MUSK: variants seen among roughly 807,000 people sequenced by gnomAD.
MUSK encodes the protein muscle associated receptor tyrosine kinase.
MUSK carries 55 observed loss-of-function variants against 88.7 expected under a neutral mutation model. The observed-to-expected ratio is 0.62, with a 90% confidence interval of 0.50 to 0.78. The LOEUF (loss-of-function observed/expected upper bound fraction) is 0.78, where lower values mean the gene tolerates loss of function less well. Ranked by LOEUF, MUSK falls within the 30% of genes least tolerant of loss-of-function variation. MUSK has a pLI of 0.00. For missense variants in MUSK, 1,015 were observed against 1,074.3 expected (o/e 0.94, Z 0.77); for synonymous variants, 387 against 391.9 (o/e 0.99, Z 0.15).
intron 7 of MUSK, among the ~76,000 whole-genome samples, chr9:110,752,463 T>C (rs142917218): frequency 5.3e-5 from 8 of 152,258 alleles, no homozygotes; most frequent in East Asian, 1.9e-4. Context: ...CGGCATCCGA[T>C]GAGGCTGGCC....
At chr9:110,690,313 T>C (rs1177458966) in intron 3 of MUSK, among the ~76,000 whole-genome samples, 5 of 101,256 alleles carry the variant, frequency 4.9e-5, no homozygotes, top group Admixed American at 3.0e-4. Context: ...TAAGTATAAA[T>C]ATAGAAATAT....
In MUSK at chr9:110,805,584, C is replaced by G. The variant is rs988076118; in HGVS notation, c.*4596C>G. Among the ~76,000 whole-genome samples the G allele has an allele frequency of 4.0e-5, 6 of 151,878 alleles. No individual in the cohort carries two copies. Among genetic ancestry groups the G allele is most frequent in the African/African-American group, 1.4e-4 (6 of 41,428 alleles). On this transcript the variant is annotated 3_prime_UTR_variant, in exon 15 of 15. Transcript: ENST00000374448. ...AATTTTGTGATATATGTTTCAACTA[C>G]TTTTATCATGTTAAAAATATAGACT... is the stretch of plus-strand genomic sequence containing the variant.
At chr9:110,761,016 C>G (rs1005893868) in intron 7 of MUSK, among the ~76,000 whole-genome samples, 1 of 152,122 alleles carries the variant, frequency 6.6e-6, no homozygotes. Context: ...TGGTTTTAGA[C>G]AAAGCATATG....
At chr9:110,783,438 T>A (rs1483955592) in intron 11 of MUSK, among the ~76,000 whole-genome samples, 1 of 152,114 alleles carries the variant, frequency 6.6e-6, no homozygotes, top group African/African-American at 2.4e-5. Flanking sequence ...TATTTTCTAA[T>A]GCTTCAAATT....
At chr9:110,798,010 A>T (rs879538512) in intron 14 of MUSK, among the ~76,000 whole-genome samples, 1 of 152,192 alleles carries the variant, frequency 6.6e-6, no homozygotes, top group African/African-American at 2.4e-5. Context: ...TTATTGTCCA[A>T]CAAGAACTGA....
chr9:110,710,473 A>G (rs985941417), intron 5 of MUSK, among the ~76,000 whole-genome samples: 3 of 152,238 alleles, frequency 2.0e-5, no homozygotes, highest in African/African-American at 4.8e-5. Flanking sequence ...ACATCTATCC[A>G]GAGAATACCA....
intron 11 of MUSK, among the ~76,000 whole-genome samples, chr9:110,781,256 T>TTTTGTTTTG (rs2077750240): frequency 2.7e-5 from 4 of 146,182 alleles, no homozygotes; most frequent in African/African-American, 1.0e-4. Context: ...TGTGTGTGTT[T>TTTTGTTTTG]TTTTGTTTTG....
At chr9:110,699,978 A>T (rs998153393) in intron 5 of MUSK, among the ~76,000 whole-genome samples, 2 of 152,224 alleles carry the variant, frequency 1.3e-5, no homozygotes, top group Non-Finnish European at 2.9e-5. Flanking sequence ...CTGTGAAAGA[A>T]ACACCCTACC....
intron 5 of MUSK, among the ~76,000 whole-genome samples, chr9:110,719,413 A>G (rs755466468): frequency 2.0e-5 from 3 of 152,130 alleles, no homozygotes; most frequent in Non-Finnish European, 4.4e-5. Flanking sequence ...ATACAAACAG[A>G]CACCAAAAGC....
chr9:110,671,375 T>A, intron 1 of MUSK, among the ~76,000 whole-genome samples: 1 of 152,152 alleles, frequency 6.6e-6, no homozygotes, highest in Non-Finnish European at 1.5e-5. Context: ...CAAAAAGAGT[T>A]TTTTAGATAA....
At chr9:110,692,948 T>A (rs1025345390) in intron 3 of MUSK, among the ~76,000 whole-genome samples, 2 of 152,138 alleles carry the variant, frequency 1.3e-5, no homozygotes, top group Non-Finnish European at 2.9e-5. Flanking sequence ...TAAATATACA[T>A]GGAGTGTTCA....
chr9:110,750,726 T>C (rs1327176272), intron 7 of MUSK, among the ~76,000 whole-genome samples: 1 of 152,178 alleles, frequency 6.6e-6, no homozygotes, highest in Non-Finnish European at 1.5e-5. Flanking sequence ...CCCAACCTTG[T>C]CATGCTACCA....
chr9:110,734,654 T>C (rs1469529677), intron 6 of MUSK, among the ~76,000 whole-genome samples: 1 of 152,136 alleles, frequency 6.6e-6, no homozygotes, highest in Non-Finnish European at 1.5e-5. Flanking sequence ...CCCATATAAG[T>C]AAAATAATTT....
chr9:110,671,815 C>T (rs1224694033), intron 1 of MUSK, among the ~76,000 whole-genome samples: 2 of 152,188 alleles, frequency 1.3e-5, no homozygotes, highest in African/African-American at 4.8e-5. Context: ...ATGTTAGATT[C>T]TGCAGGAGCA....
At chr9:110,748,893 C>T (rs2077212217) in intron 7 of MUSK, among the ~76,000 whole-genome samples, 1 of 152,184 alleles carries the variant, frequency 6.6e-6, no homozygotes, top group Admixed American at 6.5e-5. Flanking sequence ...CCTCTCCTTT[C>T]TCCCCCCAGT....
At chr9:110,670,149 T>G (rs571473027) in intron 1 of MUSK, among the ~76,000 whole-genome samples, 1 of 152,304 alleles carries the variant, frequency 6.6e-6, no homozygotes, top group Admixed American at 6.5e-5. Flanking sequence ...TTTACTTGAG[T>G]ATAATGGTAT....
intron 6 of MUSK, among the ~76,000 whole-genome samples, chr9:110,735,019 G>T (rs2077011578): frequency 6.6e-6 from 1 of 152,020 alleles, no homozygotes; most frequent in African/African-American, 2.4e-5. Flanking sequence ...GTATGTGTAT[G>T]GTGTCAAATG....
intron 5 of MUSK, among the ~76,000 whole-genome samples, chr9:110,706,715 A>G (rs2076603907): frequency 1.3e-5 from 2 of 152,090 alleles, no homozygotes; most frequent in South Asian, 4.1e-4. Context: ...AAAACGCTAG[A>G]CCAGAGGGCC....
At chr9:110,729,541 T>A (rs1160215426) in intron 5 of MUSK, among the ~76,000 whole-genome samples, 1 of 151,842 alleles carries the variant, frequency 6.6e-6, no homozygotes, top group Non-Finnish European at 1.5e-5. Flanking sequence ...AAAGTACAGA[T>A]AATGTTTTCT....
Sources: allele counts gnomAD v4.1 joint callset (sites outside exome capture counted in the v4.1 genomes callset), GRCh38; gene constraint gnomAD v4.1.1; transcripts MANE v1.5; gene names NCBI Gene and HGNC (gene_info 2026-07-23, HGNC 2026-07-21).